The following MORF4L1 variants were observed in gnomAD, a reference collection of about 807,000 sequenced individuals.
MORF4L1 encodes the protein mortality factor 4 like 1.
In MORF4L1, 4 loss-of-function variants were observed where a neutral mutation model predicts 52.9. The observed-to-expected ratio is 0.08, with a 90% CI of 0.04 to 0.17. The LOEUF is 0.17. Ranked by LOEUF, MORF4L1 falls within the 10% of genes least tolerant of loss-of-function variation. MORF4L1 has a pLI of 1.00. For missense variants in MORF4L1, 214 were observed against 390.4 expected (o/e 0.55, Z 3.81); for synonymous variants, 123 against 134.8 (o/e 0.91, Z 0.61).
In MORF4L1 at chr15:78,886,583, C is replaced by T. The variant is rs573487390; in HGVS notation, c.242+356C>T. ...GCATTTCCTATTCTGCTTTTCATCT[C>T]TGAAAGCACGGGAAAAGGGACCCTG... On this transcript the variant is annotated intron_variant, in intron 4 of 11. Coordinates refer to ENST00000426013, the MANE Select transcript of MORF4L1 (RefSeq NM_006791.4). Among the ~76,000 whole-genome samples, 3 of 152,208 alleles carry T rather than the reference C, an allele frequency of 2.0e-5. No individual in the cohort carries two copies. In the South Asian group the frequency reaches 6.2e-4, roughly 32 times the overall value.
chr15:78,884,295 C>T (rs1004293228), intron 3 of MORF4L1, among the ~76,000 whole-genome samples: 22 of 151,892 alleles, frequency 1.4e-4, no homozygotes, highest in Non-Finnish European at 1.0e-4. Flanking sequence ...AGGTGGATCA[C>T]GAGGTCAGGA....
intron 8 of MORF4L1, chr15:78,892,555 A>G: frequency 2.8e-6 from 1 of 358,192 alleles, no homozygotes. Context: ...TCATTTTTGG[A>G]GATTGCTAGG....
intron 2 of MORF4L1, 77 bp downstream of exon 2, chr15:78,878,336 AT>A: frequency 1.5e-6 from 2 of 1,352,730 alleles, no homozygotes; most frequent in African/African-American, 2.9e-5. Context: ...CAAGTACAGT[AT>A]TTTGTTGTTG....
At chr15:78,882,278 G>A (rs756513080) in intron 3 of MORF4L1, among the ~76,000 whole-genome samples, 4 of 152,042 alleles carry the variant, frequency 2.6e-5, no homozygotes, top group Non-Finnish European at 4.4e-5. Context: ...ATGTGCCACT[G>A]CACTCTAGCC....
At chr15:78,875,971 T>C (rs1387220839) in intron 1 of MORF4L1, among the ~76,000 whole-genome samples, 4 of 152,058 alleles carry the variant, frequency 2.6e-5, no homozygotes, top group Non-Finnish European at 4.4e-5. Context: ...ACAGTCTTGC[T>C]CTGTCGCCCA....
intron 1 of MORF4L1, among the ~76,000 whole-genome samples, chr15:78,875,211 A>C (rs893699071): frequency 2.0e-5 from 3 of 152,170 alleles, no homozygotes; most frequent in Non-Finnish European, 4.4e-5. Flanking sequence ...CAAGGCACAA[A>C]AAGTTAATCG....
chr15:78,873,172 C>T (rs1007405110), intron 1 of MORF4L1, 115 bp downstream of exon 1: 68 of 1,529,800 alleles, frequency 4.4e-5, no homozygotes, highest in Non-Finnish European at 5.6e-5. Flanking sequence ...GAGAAGGCGG[C>T]GGTCAGTGCT....
intron 7 of MORF4L1, 63 bp from the exon 8 acceptor site, chr15:78,892,149 C>T (rs376173653): frequency 2.4e-4 from 283 of 1,160,976 alleles, no homozygotes; most frequent in Middle Eastern, 5.6e-4. Context: ...AGTCAGCTCC[C>T]CTCCATGTTT....
intron 5 of MORF4L1, among the ~76,000 whole-genome samples, chr15:78,890,188 A>G (rs902817365): frequency 7.9e-5 from 12 of 152,138 alleles, no homozygotes; most frequent in African/African-American, 2.9e-4. Context: ...CAACAGACAG[A>G]GCAAGACTCC....
rs75506745 is a variant in MORF4L1, at chr15:78,886,324, T to A, written c.242+97T>A. ...TGGAGATCATGTTGGCTGCCCTGCC[T>A]ATAAAATGATTCCTGGTACCTTTCA... On this transcript the variant is annotated intron_variant, in intron 4 of 11. Coordinates refer to ENST00000426013, the MANE Select transcript of MORF4L1 (RefSeq NM_006791.4). 7 of 1,038,208 alleles carry A rather than the reference T, an allele frequency of 6.7e-6. No individual in the cohort carries two copies. In the South Asian group the frequency reaches 7.8e-5, roughly 12 times the overall value. The allele number at this position is 1,038,208 out of a possible 1,614,324, so 64.3% of individuals were successfully genotyped here.
chr15:78,884,620 C>T (rs1014224952), intron 3 of MORF4L1, among the ~76,000 whole-genome samples: 16 of 131,716 alleles, frequency 1.2e-4, no homozygotes, highest in Non-Finnish European at 1.8e-4. Flanking sequence ...GCCAGGGCAA[C>T]GAGAGCGCAA....
chr15:78,880,054 A>C (rs2056573527), intron 2 of MORF4L1, among the ~76,000 whole-genome samples: 1 of 152,340 alleles, frequency 6.6e-6, no homozygotes, highest in South Asian at 2.1e-4. Flanking sequence ...TGCTTTTAAG[A>C]AAAGTGAAAT....
intron 1 of MORF4L1, among the ~76,000 whole-genome samples, chr15:78,873,435 G>T (rs529193441): frequency 9.9e-4 from 151 of 152,142 alleles, no homozygotes; most frequent in African/African-American, 3.3e-3. Flanking sequence ...AGGGGCGGTG[G>T]CTGTTTCGGG....
chr15:78,890,487 C>CT (rs899494842), intron 5 of MORF4L1, among the ~76,000 whole-genome samples: 66 of 145,414 alleles, frequency 4.5e-4, no homozygotes, highest in African/African-American at 9.6e-4. Flanking sequence ...GTTTGCTTTT[C>CT]TTTTTTTTTT....
Position 78,880,545 on chromosome 15 carries a change from A to G in MORF4L1, c.121A>G (p.Lys41Glu). Reference sequence around the variant, plus strand: ...GGTTGCCATAAAGGACAAACAAGTGAAATACTTCATACATTACAGTGGTTG... The same window carrying G: ...GGTTGCCATAAAGGACAAACAAGTGGAATACTTCATACATTACAGTGGTTG... Reference protein sequence around the residue: ...VKVAIKDKQVKYFIHYSGWNK... With the variant: ...VKVAIKDKQVEYFIHYSGWNK... Residue 41 changes from lysine to glutamate, a missense_variant, in exon 3 of 12, where the codon AAA (lysine) becomes GAA (glutamate). Physicochemically the swap from Lys to Glu is moderately conservative, Grantham distance 56 (BLOSUM62 1). Coordinates refer to ENST00000426013, the MANE Select transcript of MORF4L1 (RefSeq NM_006791.4). 6.2e-7 allele frequency: 1 copy of G among 1,602,476 alleles called. No individual in the cohort carries two copies. Among genetic ancestry groups the G allele is most frequent in the Non-Finnish European group, 8.5e-7 (1 of 1,174,530 alleles).
intron 10 of MORF4L1, 141 bp from the exon 11 acceptor site, chr15:78,894,679 A>G: frequency 1.5e-6 from 1 of 673,008 alleles, no homozygotes; most frequent in Non-Finnish European, 2.6e-6. Context: ...AAGTGCTGGG[A>G]TTACAGGCGT....
At chr15:78,875,858 C>T (rs1350531396) in intron 1 of MORF4L1, among the ~76,000 whole-genome samples, 5 of 152,110 alleles carry the variant, frequency 3.3e-5, no homozygotes, top group African/African-American at 1.2e-4. Flanking sequence ...TTGATGAGTG[C>T]TAACAGAATC....
intron 3 of MORF4L1, among the ~76,000 whole-genome samples, chr15:78,883,026 C>T (rs2056630041): frequency 6.6e-6 from 1 of 151,986 alleles, no homozygotes; most frequent in African/African-American, 2.4e-5. Context: ...TCCAGCCTGG[C>T]CAACATGGTG....
chr15:78,873,530 G>T (rs551859093), intron 1 of MORF4L1, among the ~76,000 whole-genome samples: 26 of 152,230 alleles, frequency 1.7e-4, no homozygotes, highest in Non-Finnish European at 3.2e-4. Context: ...TGCGTTCGGT[G>T]GCAACTCAGC....
Sources: allele counts gnomAD v4.1 joint callset (sites outside exome capture counted in the v4.1 genomes callset), GRCh38; gene constraint gnomAD v4.1.1; transcripts MANE v1.5; gene names NCBI Gene and HGNC (gene_info 2026-07-23, HGNC 2026-07-21).